Variants in TRAF3 observed in about 807,000 individuals in gnomAD.
The protein encoded by TRAF3 is TNF receptor associated factor 3, also known as TNF receptor-associated factor 3.
A neutral mutation model predicts 62.3 loss-of-function variants in TRAF3; 13 were observed. That is an observed-to-expected ratio of 0.21 (90% CI 0.14 to 0.33). The LOEUF is 0.33. TRAF3 is among the 10% of genes least tolerant of loss of function. The pLI, the probability that TRAF3 is intolerant of heterozygous loss-of-function variation, is 1.00. For missense variants in TRAF3, 440 were observed against 741.8 expected, an observed-to-expected ratio of 0.59 and a Z score of 4.73; for synonymous variants, 269 against 283.4, an observed-to-expected ratio of 0.95 and a Z score of 0.51.
Position 102,818,732 on chromosome 14 carries a change from C to G in TRAF3, c.-156-11602C>G, listed in dbSNP as rs115682020. 5.1e-3 allele frequency among the ~76,000 whole-genome samples: 775 copies of G among 152,294 alleles called. 9 individuals carry two copies. Among genetic ancestry groups the G allele is most frequent in the African/African-American group, 0.018 (759 of 41,556 alleles). On this transcript the variant is annotated intron_variant, in intron 1 of 11. Coordinates refer to ENST00000392745, the MANE Select transcript of TRAF3 (RefSeq NM_145725.3). ...CATGTGGTATCCGTCACATATTTCA[C>G]TTAGCATAATGCCCTCCAGGCTCTT...
At chr14:102,811,728 AGTGTGTGTGTGTGTGTGT>A (rs146439927) in intron 1 of TRAF3, among the ~76,000 whole-genome samples, 1 of 138,536 alleles carries the variant, frequency 7.2e-6, no homozygotes. Context: ...CTACAGCAGT[AGTGTGTGTGTGTGTGTGT>A]GTGTGTGTGT....
chr14:102,903,538 A>G lies in TRAF3; in HGVS notation c.1135+109A>G, dbSNP rs572474593. ...ATGTTAGGTACATGTGCCTTAGGAC[A>G]GTTTTTTCTAATTATGGGTAACACG... On this transcript the variant is annotated intron_variant, in intron 11 of 11. Transcript: ENST00000392745. This position sits in a 1 kb window ranked among gnomAD's most constrained non-coding sequence, Gnocchi z 6.4. 30 of 1,481,982 alleles carry G rather than the reference A, an allele frequency of 2.0e-5. No individual in the cohort carries two copies. Among genetic ancestry groups the G allele is most frequent in the Admixed American group, 1.3e-4 (7 of 52,346 alleles). 91.8% of individuals were successfully genotyped at this position (1,481,982 alleles called of 1,614,324 possible).
chr14:102,878,712 G>A (rs372629897), intron 6 of TRAF3, among the ~76,000 whole-genome samples: 2 of 152,184 alleles, frequency 1.3e-5, no homozygotes, highest in African/African-American at 4.8e-5. Flanking sequence ...AAGGGACAGT[G>A]GGGGAGCATG....
chr14:102,814,509 A>T (rs1267424251), intron 1 of TRAF3, among the ~76,000 whole-genome samples: 1 of 151,838 alleles, frequency 6.6e-6, no homozygotes, highest in Non-Finnish European at 1.5e-5. Context: ...TTGCTCTTTT[A>T]ATTATCTTGA....
chr14:102,890,364 T>C (rs1228715141), intron 8 of TRAF3, among the ~76,000 whole-genome samples: 3 of 152,236 alleles, frequency 2.0e-5, no homozygotes. Context: ...CAATACATTA[T>C]TATGAAGTCA....
rs56998347 is a variant in TRAF3, at chr14:102,839,210, CTTTTTTTTTTTT to C, written c.-18+8755_-18+8766del. Among the ~76,000 whole-genome samples, 378 of 89,842 alleles carry C rather than the reference CTTTTTTTTTTTT, an allele frequency of 4.2e-3. 1 individual carries two copies. The highest frequency in any genetic ancestry group is 0.012 in the African/African-American group (280 of 22,602). 58.9% of individuals were successfully genotyped at this position (89,842 alleles called of 152,430 possible). On this transcript the variant is annotated intron_variant, in intron 2 of 11. Coordinates refer to ENST00000392745, the MANE Select transcript of TRAF3 (RefSeq NM_145725.3). Reference sequence around the variant, plus strand: ...GAGAGATGCTTATTGGTTGATTTGCCTTTTTTTTTTTTTTTTTTTTTTTTTTTTGAAACAGTC... The same window carrying C: ...GAGAGATGCTTATTGGTTGATTTGCCTTTTTTTTTTTTTTTTGAAACAGTC...
At chr14:102,898,152 A>G (rs1890097352) in intron 10 of TRAF3, among the ~76,000 whole-genome samples, 1 of 152,248 alleles carries the variant, frequency 6.6e-6, no homozygotes, top group African/African-American at 2.4e-5. Context: ...AACTACTTCT[A>G]ATAGCACAGA....
At chr14:102,833,255 CT>C (rs2139641198) in intron 2 of TRAF3, among the ~76,000 whole-genome samples, 1 of 152,274 alleles carries the variant, frequency 6.6e-6, no homozygotes, top group African/African-American at 2.4e-5. Flanking sequence ...GACACAGACG[CT>C]TTCCTTGAAG....
intron 10 of TRAF3, among the ~76,000 whole-genome samples, chr14:102,899,712 C>A (rs922973496): frequency 2.0e-5 from 3 of 152,122 alleles, no homozygotes; most frequent in African/African-American, 7.2e-5. Context: ...GACCCTAAAG[C>A]CCTGGTGATG....
chr14:102,859,154 T>A (rs1381746424), intron 2 of TRAF3, among the ~76,000 whole-genome samples: 1 of 151,306 alleles, frequency 6.6e-6, no homozygotes, highest in Non-Finnish European at 1.5e-5. Flanking sequence ...TTCAGCTTTA[T>A]CCTAACTTAA....
At chr14:102,874,719 T>C (rs941589) in intron 4 of TRAF3, among the ~76,000 whole-genome samples, 64,140 of 151,500 alleles carry the variant, frequency 0.42, 18,713 homozygotes, top group African/African-American at 0.83. Context: ...AGTGCGATCA[T>C]GGCTCACTGC....
intron 1 of TRAF3, among the ~76,000 whole-genome samples, chr14:102,790,645 C>T (rs1382930070): frequency 1.3e-5 from 2 of 152,140 alleles, no homozygotes; most frequent in African/African-American, 2.4e-5. Flanking sequence ...AGCACCCCCA[C>T]GATTCAGTTA....
At chr14:102,820,183 G>A (rs1899805810) in intron 1 of TRAF3, among the ~76,000 whole-genome samples, 1 of 152,148 alleles carries the variant, frequency 6.6e-6, no homozygotes, top group African/African-American at 2.4e-5. Flanking sequence ...GGGGCTGGCA[G>A]AAGGGGCACT....
chr14:102,864,745 A>G (rs1319314305), intron 2 of TRAF3, among the ~76,000 whole-genome samples: 3 of 152,176 alleles, frequency 2.0e-5, no homozygotes, highest in Non-Finnish European at 2.9e-5. Flanking sequence ...TAAGAACTTG[A>G]TCCTACAGAC....
intron 2 of TRAF3, among the ~76,000 whole-genome samples, chr14:102,839,210 C>CTTTTTTTTTTTTTTTTTTTTT (rs56998347): frequency 1.1e-5 from 1 of 89,836 alleles, no homozygotes; most frequent in African/African-American, 4.4e-5. Context: ...GTTGATTTGC[C>CTTTTTTTTTTTTTTTTTTTTT]TTTTTTTTTT....
Position 102,870,458 on chromosome 14 carries a change from C to T in TRAF3, c.245+12C>T, listed in dbSNP as rs935055991. 1.1e-5 allele frequency: 17 copies of T among 1,608,778 alleles called. No individual in the cohort carries two copies. Among genetic ancestry groups the T allele is most frequent in the South Asian group, 2.2e-5 (2 of 90,910 alleles). ...GCGGCCCTGCTGAGGTAGGCGCCCT[C>T]GCCCGGCCCGTCGCCCGGCCCCTTC... On this transcript the variant is annotated intron_variant, in intron 3 of 11. Coordinates refer to ENST00000392745, the MANE Select transcript of TRAF3 (RefSeq NM_145725.3).
intron 2 of TRAF3, among the ~76,000 whole-genome samples, chr14:102,867,234 C>A (rs1000432571): frequency 6.6e-6 from 1 of 152,200 alleles, no homozygotes; most frequent in African/African-American, 2.4e-5. Context: ...TAAACTCTTT[C>A]TGTTACGGGC....
chr14:102,903,446 G>T lies in TRAF3; in HGVS notation c.1135+17G>T. On this transcript the variant is annotated intron_variant, in intron 11 of 11. Coordinates refer to ENST00000392745, the MANE Select transcript of TRAF3 (RefSeq NM_145725.3). The surrounding 1 kb of genome is among the most constrained non-coding windows in gnomAD (Gnocchi z 6.4). ...GGAACACAGGTGAGGCAGGGGCCGG[G>T]GCCGGGCCAGCAGTGTGCATCTGGG... 3.1e-6 allele frequency: 5 copies of T among 1,613,152 alleles called. 1 individual carries two copies. The highest frequency in any genetic ancestry group is 1.1e-5 in the South Asian group (1 of 91,058).
At chr14:102,838,291 T>C (rs926368258) in intron 2 of TRAF3, among the ~76,000 whole-genome samples, 1 of 152,210 alleles carries the variant, frequency 6.6e-6, no homozygotes, top group Non-Finnish European at 1.5e-5. Context: ...CACATTGCTG[T>C]CTTCAGAAAG....
Sources: gnomAD v4.1 joint callset for allele counts (sites outside exome capture counted in the v4.1 genomes callset) on GRCh38, gnomAD v4.1.1 for gene constraint, Gnocchi (gnomAD v3.1) non-coding constraint, MANE v1.5 for transcripts, NCBI Gene and HGNC (gene_info 2026-07-23, HGNC 2026-07-21) for gene names.